The following POU3F3 variants were observed in gnomAD, a reference collection of about 807,000 sequenced individuals.
POU3F3 encodes POU domain, class 3, transcription factor 3.
Under a neutral mutation model 8.6 loss-of-function variants are expected in POU3F3, and 1 was observed. That is an observed-to-expected ratio of 0.12 (90% CI 0.04 to 0.55). The LOEUF (loss-of-function observed/expected upper bound fraction) is 0.55, where lower values mean the gene tolerates loss of function less well. Ranked by LOEUF, POU3F3 falls within the 20% of genes least tolerant of loss-of-function variation. The probability of loss-of-function intolerance (pLI) is 0.91; values close to 1 mark genes in which losing one functional copy is unlikely to be tolerated. For missense variants in POU3F3, 577 were observed against 690.7 expected (o/e 0.84, Z 1.84); for synonymous variants, 418 against 327.4 (o/e 1.28, Z -2.99).
the POU3F3 span, among the ~76,000 whole-genome samples, chr2:104,894,164 T>C: frequency 1.3e-5 from 2 of 152,188 alleles, no homozygotes; most frequent in Admixed American, 1.3e-4. Flanking sequence ...TTTGTGAAAG[T>C]CTCTGTGAGG....
chr2:104,879,236 A>G, the POU3F3 span, among the ~76,000 whole-genome samples: 1 of 150,984 alleles, frequency 6.6e-6, no homozygotes, highest in South Asian at 2.1e-4. Flanking sequence ...AGAGAGAGAG[A>G]AGAAACCGAG....
the POU3F3 span, chr2:104,869,758 C>G: frequency 6.6e-5 from 10 of 152,408 alleles, no homozygotes; most frequent in South Asian, 2.1e-4. Context: ...CGCTCCCCCC[C>G]ACCTCCCAGC....
At chr2:104,896,935 T>C in the POU3F3 span, among the ~76,000 whole-genome samples, 1 of 152,248 alleles carries the variant, frequency 6.6e-6, no homozygotes, top group African/African-American at 2.4e-5. Context: ...GAGCTTCAAA[T>C]CAAGGGACTC....
At chr2:104,880,345 T>C in the POU3F3 span, among the ~76,000 whole-genome samples, 58,557 of 151,926 alleles carry the variant, frequency 0.39, 11,582 homozygotes, top group East Asian at 0.63. Flanking sequence ...CTTGGCTCCA[T>C]TTCCAAGTTC....
rs1056144007 is a variant in POU3F3 at position 104,855,694 on chromosome 2, G to C, written c.184G>C (p.Ala62Pro). Residue 62 changes from alanine to proline, a missense_variant, in exon 1 of 1, where the codon GCC (alanine) becomes CCC (proline). Physicochemically the swap from Ala to Pro is conservative, Grantham distance 27. Around this residue, in one of 7 missense-constraint regions of POU3F3, gnomAD observed 484 missense variants for 422.6 expected, o/e 1.15. Transcript: ENST00000361360. ...QPGSAAVTSG[A>P]YRGDPSSVKM... ...GGGCAGCGCCGCCGTGACCTCGGGC[G>C]CCTACCGGGGGGACCCGTCCTCTGT... is the stretch of plus-strand genomic sequence containing the variant. 1.7e-6 allele frequency: 2 copies of C among 1,203,192 alleles called. No individual in the cohort carries two copies. Among genetic ancestry groups the C allele is most frequent in the African/African-American group, 3.3e-5 (2 of 61,014 alleles). The allele number at this position is 1,203,192 out of a possible 1,614,324, so 74.5% of individuals were successfully genotyped here. A position where few individuals can be genotyped will look rare whatever the true frequency, so the allele number is the denominator to read the frequency against.
chr2:104,873,249 G>C, the POU3F3 span, among the ~76,000 whole-genome samples: 8 of 152,268 alleles, frequency 5.3e-5, no homozygotes, highest in East Asian at 1.6e-3. Context: ...CGACCCGCAC[G>C]TCCGGGACCC....
chr2:104,856,243 G>A lies in POU3F3; in HGVS notation c.733G>A (p.Gly245Ser). The A allele has an allele frequency of 1.6e-6, 2 of 1,281,336 alleles. No homozygotes were observed. The highest frequency in any genetic ancestry group is 9.8e-7 in the Non-Finnish European group (1 of 1,023,450). The allele number at this position is 1,281,336 out of a possible 1,614,324, so 79.4% of individuals were successfully genotyped here. Residue 245 changes from glycine to serine, a missense_variant, in exon 1 of 1, where the codon GGC (glycine) becomes AGC (serine). This residue lies in a region of POU3F3 where 484 missense variants were observed against 422.6 expected (regional missense o/e 1.15). Transcript: ENST00000361360. ...GCCACCGGGGCCCGGCGGCGGCGGC[G>A]GCGGCGCGGGCGGTGGAGCCCAGAG... ...SAPPGPGGGG[G>S]GAGGGAQSLV...
the POU3F3 span, among the ~76,000 whole-genome samples, chr2:104,906,557 G>A: frequency 1.6e-4 from 25 of 152,170 alleles, no homozygotes; most frequent in Non-Finnish European, 7.4e-5. Context: ...TGTCCTTTTT[G>A]TCATGTTAAA....
rs1261162948 is a variant in POU3F3, at chr2:104,854,193, G to GGAGAGA, written c.-1310_-1305dup. 6.6e-6 allele frequency among the ~76,000 whole-genome samples: 1 copy of GGAGAGA among 151,920 alleles called. No homozygotes were observed. The highest frequency in any genetic ancestry group is 2.4e-5 in the African/African-American group (1 of 41,368). ...GAGCGAGAGCGGGCGCCCGAGAGAG[G>GGAGAGA]GAGAGAGAGAGAGGGAGGGAGAGGA... On this transcript the variant is annotated 5_prime_UTR_variant, in exon 1 of 1. Coordinates refer to ENST00000361360, the MANE Select transcript of POU3F3 (RefSeq NM_006236.3). This position sits in a 1 kb window ranked among gnomAD's most constrained non-coding sequence, Gnocchi z 4.5.
the POU3F3 span, among the ~76,000 whole-genome samples, chr2:104,911,511 G>A: frequency 3.3e-5 from 5 of 152,050 alleles, no homozygotes; most frequent in East Asian, 7.7e-4. Context: ...TGATGACCCA[G>A]GCAGTGAACA....
the POU3F3 span, chr2:104,868,014 C>G: frequency 1.7e-5 from 6 of 346,282 alleles, no homozygotes; most frequent in African/African-American, 4.3e-5. Context: ...GCCCCGACCT[C>G]CAGCTGGTGG....
At chr2:104,919,088 CT>C in the POU3F3 span, among the ~76,000 whole-genome samples, 1 of 152,154 alleles carries the variant, frequency 6.6e-6, no homozygotes, top group Non-Finnish European at 1.5e-5. Flanking sequence ...TCAGGCTGGT[CT>C]TGAACTCCTG....
the POU3F3 span, among the ~76,000 whole-genome samples, chr2:104,902,654 A>C: frequency 3.3e-5 from 5 of 152,224 alleles, no homozygotes; most frequent in Non-Finnish European, 7.3e-5. Flanking sequence ...CATCTCCCTC[A>C]CAGTCATTCA....
the POU3F3 span, among the ~76,000 whole-genome samples, chr2:104,922,392 C>CAAAAAAAAAAAAAAAAAAAA: frequency 1.4e-5 from 1 of 71,038 alleles, no homozygotes; most frequent in East Asian, 4.3e-4. Flanking sequence ...TGAAGATGCT[C>CAAAAAAAAAAAAAAAAAAAA]AAAAAAAAAA....
the POU3F3 span, among the ~76,000 whole-genome samples, chr2:104,908,770 T>A: frequency 6.6e-6 from 1 of 152,216 alleles, no homozygotes; most frequent in Admixed American, 6.5e-5. Context: ...TAAGAATCAA[T>A]CCTTAAGCTA....
chr2:104,919,722 C>T, the POU3F3 span, among the ~76,000 whole-genome samples: 1 of 152,114 alleles, frequency 6.6e-6, no homozygotes. Context: ...TGACACTGGA[C>T]TACCATTTAC....
the POU3F3 span, among the ~76,000 whole-genome samples, chr2:104,875,598 G>T: frequency 1.3e-5 from 2 of 152,100 alleles, no homozygotes; most frequent in Non-Finnish European, 2.9e-5. Flanking sequence ...AAGAGCAAAT[G>T]TACAAATACA....
At chr2:104,885,548 A>T in the POU3F3 span, among the ~76,000 whole-genome samples, 1 of 152,194 alleles carries the variant, frequency 6.6e-6, no homozygotes, top group Admixed American at 6.5e-5. Flanking sequence ...GCTAATTATA[A>T]TGCATTCATA....
chr2:104,908,172 G>A, the POU3F3 span, among the ~76,000 whole-genome samples: 1 of 152,108 alleles, frequency 6.6e-6, no homozygotes, highest in African/African-American at 2.4e-5. Flanking sequence ...TTTTTAAAGA[G>A]TGCCCTGCCA....
Sources: allele counts gnomAD v4.1 joint callset (sites outside exome capture counted in the v4.1 genomes callset), GRCh38; gene constraint gnomAD v4.1.1; regional missense constraint gnomAD v4.1.1; non-coding constraint Gnocchi (gnomAD v3.1); transcripts MANE v1.5; gene names NCBI Gene and HGNC (gene_info 2026-07-23, HGNC 2026-07-21).